PSMG4: variants seen among roughly 807,000 people sequenced by gnomAD.
PSMG4 encodes the protein proteasome assembly chaperone 4.
Under a neutral mutation model 11.0 loss-of-function variants are expected in PSMG4, and 10 were observed. That is an observed-to-expected ratio of 0.91 (90% CI 0.56 to 1.54). The LOEUF (loss-of-function observed/expected upper bound fraction) is 1.54. Ranked by LOEUF, PSMG4 falls within the 40% of genes most tolerant of loss-of-function variation. PSMG4 has a pLI of 0.00. For synonymous variants in PSMG4, 95 were observed against 71.3 expected, an observed-to-expected ratio of 1.33 and a Z score of -1.68; for missense variants, 198 against 160.9, an observed-to-expected ratio of 1.23 and a Z score of -1.25.
chr6:3,260,291 A>ATATATATTTTTTTTTT, intron 1 of PSMG4, among the ~76,000 whole-genome samples: 2 of 70,842 alleles, frequency 2.8e-5, no homozygotes, highest in African/African-American at 5.5e-5. Context: ...ATATATATAT[A>ATATATATTTTTTTTTT]TTTTTTTTTT....
upstream of PSMG4, chr6:3,254,984 C>T (rs974291118): frequency 6.7e-6 from 10 of 1,497,662 alleles, no homozygotes; most frequent in South Asian, 2.6e-5. Context: ...GGCTGTGGAT[C>T]CCATGGACCT....
intron 1 of PSMG4, among the ~76,000 whole-genome samples, chr6:3,260,922 G>C (rs1757967736): frequency 6.6e-6 from 1 of 152,218 alleles, no homozygotes; most frequent in Admixed American, 6.5e-5. Context: ...CCTCGAGCTG[G>C]GCAGTGCTGG....
chr6:3,260,879 C>T (rs1757965161), intron 1 of PSMG4, among the ~76,000 whole-genome samples: 2 of 152,246 alleles, frequency 1.3e-5, no homozygotes, highest in African/African-American at 4.8e-5. Flanking sequence ...CAGTGACCTT[C>T]GGGCTCTGTT....
At chr6:3,256,266 C>A (rs1268160817), upstream of PSMG4, among the ~76,000 whole-genome samples, 4 of 152,202 alleles carry the variant, frequency 2.6e-5, no homozygotes, top group Non-Finnish European at 2.9e-5. Context: ...GGGTGCTGGG[C>A]TAATTTCTAG....
At chr6:3,255,975 C>T (rs564765843), upstream of PSMG4, among the ~76,000 whole-genome samples, 11 of 152,352 alleles carry the variant, frequency 7.2e-5, no homozygotes, top group South Asian at 2.1e-4. Context: ...AAAGATTCCA[C>T]ATCTGCTATG....
upstream of PSMG4, chr6:3,255,101 G>C: frequency 6.4e-7 from 1 of 1,551,052 alleles, no homozygotes; most frequent in Non-Finnish European, 8.7e-7. Flanking sequence ...TGGCTGCATA[G>C]GAGCACAACA....
At chr6:3,260,289 A>ATTTTTTTTTTTTTTTTTT (rs1264357024) in intron 1 of PSMG4, among the ~76,000 whole-genome samples, 1 of 31,072 alleles carries the variant, frequency 3.2e-5, no homozygotes, top group Non-Finnish European at 6.7e-5. Context: ...ATATATATAT[A>ATTTTTTTTTTTTTTTTTT]TATTTTTTTT....
chr6:3,264,079 G>T (rs1420900680), intron 2 of PSMG4: 3 of 1,462,208 alleles, frequency 2.1e-6, no homozygotes, highest in Non-Finnish European at 9.1e-7. Context: ...AGCATGAGAA[G>T]TGCCCACAGC....
chr6:3,254,534 C>A (rs776909486), upstream of PSMG4, among the ~76,000 whole-genome samples: 1 of 150,276 alleles, frequency 6.7e-6, no homozygotes, highest in Non-Finnish European at 1.5e-5. Flanking sequence ...TAACAATTAT[C>A]TGGAAGGTGT....
chr6:3,261,501 G>C (rs1050287116), intron 1 of PSMG4, among the ~76,000 whole-genome samples: 1 of 152,144 alleles, frequency 6.6e-6, no homozygotes, highest in African/African-American at 2.4e-5. Context: ...TTGGTCACCC[G>C]ACCCCATGGT....
chr6:3,254,451 C>CTTT (rs5873867), upstream of PSMG4, among the ~76,000 whole-genome samples: 3,317 of 151,808 alleles, frequency 0.022, 115 homozygotes, highest in African/African-American at 0.073. Flanking sequence ...TAGTTTTCTG[C>CTTT]TTTTTTTGTG....
chr6:3,262,699 C>T (rs1758035393), intron 1 of PSMG4, among the ~76,000 whole-genome samples: 1 of 152,148 alleles, frequency 6.6e-6, no homozygotes, highest in Non-Finnish European at 1.5e-5. Flanking sequence ...AACCTTGCCA[C>T]TTTCCAAGAT....
At chr6:3,255,892 T>G (rs1458300746), upstream of PSMG4, among the ~76,000 whole-genome samples, 2 of 152,268 alleles carry the variant, frequency 1.3e-5, no homozygotes, top group East Asian at 1.9e-4. Context: ...CTTTCCTGAT[T>G]GGGATAGAAA....
In PSMG4 at chr6:3,259,182, A is replaced by C. The variant is rs773096208; in HGVS notation, c.160A>C (p.Met54Leu). ...GCACCTGCGCAACCTCGCCGTGGCCATGTGCAGCCGCTACGTGAGTGCCTG... is the reference window on the plus strand; with the variant it reads ...GCACCTGCGCAACCTCGCCGTGGCCCTGTGCAGCCGCTACGTGAGTGCCTG... ...TPHLRNLAVAMCSRYDSIPVS... is the reference protein window; with the variant it reads ...TPHLRNLAVALCSRYDSIPVS... The change falls in exon 1 of 3, where the codon ATG (methionine) becomes CTG (leucine). Residue 54 changes from methionine to leucine, a missense_variant. Transcript: ENST00000438998. 46 of 1,295,216 alleles carry C rather than the reference A, an allele frequency of 3.6e-5. No homozygotes were observed. The highest frequency in any genetic ancestry group is 6.7e-5 in the East Asian group (2 of 29,822). 80.2% of individuals were successfully genotyped at this position (1,295,216 alleles called of 1,614,324 possible). A position where few individuals can be genotyped will look rare whatever the true frequency, so the allele number is the denominator to read the frequency against.
chr6:3,263,789 C>T (rs1209413447), intron 2 of PSMG4, 30 bp downstream of exon 2: 4 of 1,544,084 alleles, frequency 2.6e-6, no homozygotes, highest in Non-Finnish European at 3.5e-6. Flanking sequence ...GCTGCATGGC[C>T]AGCCAGGTGG....
intron 1 of PSMG4, among the ~76,000 whole-genome samples, chr6:3,260,656 T>C (rs1329059145): frequency 1.3e-5 from 2 of 152,162 alleles, no homozygotes; most frequent in Admixed American, 6.5e-5. Context: ...TACATCTTAT[T>C]TACATCTGCA....
chr6:3,255,158 A>T, upstream of PSMG4: 1 of 1,550,986 alleles, frequency 6.4e-7, no homozygotes, highest in South Asian at 1.2e-5. Flanking sequence ...GAGCAGGGCC[A>T]TACTGACGGC....
upstream of PSMG4, chr6:3,255,378 TTTG>T (rs1000946164): frequency 3.6e-6 from 5 of 1,407,204 alleles, no homozygotes; most frequent in African/African-American, 4.3e-5. Flanking sequence ...GTGGATGATG[TTTG>T]TTGAGTGATA....
At chr6:3,257,723 T>G (rs1289977552), upstream of PSMG4, among the ~76,000 whole-genome samples, 1 of 151,982 alleles carries the variant, frequency 6.6e-6, no homozygotes, top group Non-Finnish European at 1.5e-5. Context: ...AGCAGATCAG[T>G]GGTTGGGGGC....
Sources: gnomAD v4.1 joint callset for allele counts (sites outside exome capture counted in the v4.1 genomes callset) on GRCh38, gnomAD v4.1.1 for gene constraint, MANE v1.5 for transcripts, NCBI Gene and HGNC (gene_info 2026-07-23, HGNC 2026-07-21) for gene names.